The following CNBD1 variants were observed in gnomAD, a reference collection of about 807,000 sequenced individuals.
CNBD1 encodes the protein cyclic nucleotide binding domain containing 1.
In CNBD1, 71 loss-of-function variants were observed where a neutral mutation model predicts 54.4. That is an observed-to-expected ratio of 1.30 (90% CI 1.08 to 1.59). The LOEUF (loss-of-function observed/expected upper bound fraction) is 1.59, where lower values mean the gene tolerates loss of function less well. Ranked by LOEUF, CNBD1 falls within the 40% of genes most tolerant of loss-of-function variation. CNBD1 has a pLI of 0.00. For missense variants in CNBD1, 659 were observed against 518.0 expected (o/e 1.27, Z -2.64); for synonymous variants, 182 against 170.7 (o/e 1.07, Z -0.51).
intron 6 of CNBD1, among the ~76,000 whole-genome samples, chr8:87,279,623 G>T (rs1191725291): frequency 6.6e-6 from 1 of 151,106 alleles, no homozygotes; most frequent in African/African-American, 2.4e-5. Context: ...TAAAAATAAA[G>T]ATATTTCATA....
At chr8:87,081,377 GTT>G (rs1358731307) in intron 4 of CNBD1, among the ~76,000 whole-genome samples, 1 of 151,814 alleles carries the variant, frequency 6.6e-6, no homozygotes, top group Non-Finnish European at 1.5e-5. Context: ...CACATGATGT[GTT>G]TTTTCAGAAT....
intron 4 of CNBD1, among the ~76,000 whole-genome samples, chr8:86,970,353 A>G (rs1809173342): frequency 2.6e-5 from 4 of 151,950 alleles, no homozygotes. Context: ...ATTTTGTCTC[A>G]TCATGCTTCA....
chr8:87,292,160 T>A (rs1242276988), intron 8 of CNBD1, among the ~76,000 whole-genome samples: 1 of 152,208 alleles, frequency 6.6e-6, no homozygotes, highest in Admixed American at 6.5e-5. Flanking sequence ...AAACACAAGC[T>A]ATTGCTTTGC....
At chr8:87,292,290 A>G (rs943742071) in intron 8 of CNBD1, among the ~76,000 whole-genome samples, 8 of 152,214 alleles carry the variant, frequency 5.3e-5, no homozygotes, top group African/African-American at 1.7e-4. Flanking sequence ...ATTTGGATTT[A>G]AGGTGAGGTT....
chr8:87,333,812 A>G (rs964488464), intron 8 of CNBD1, among the ~76,000 whole-genome samples: 2 of 152,088 alleles, frequency 1.3e-5, no homozygotes, highest in Non-Finnish European at 2.9e-5. Context: ...TATCAGGGAT[A>G]TTGGCCTGAA....
chr8:86,913,344 C>CT (rs1809132703), intron 3 of CNBD1, among the ~76,000 whole-genome samples: 1 of 152,014 alleles, frequency 6.6e-6, no homozygotes, highest in South Asian at 2.1e-4. Context: ...TTAGCTCTAC[C>CT]TTTTTTGTGT....
chr8:87,230,134 G>T (rs1216436316), intron 5 of CNBD1, among the ~76,000 whole-genome samples: 1 of 152,044 alleles, frequency 6.6e-6, no homozygotes, highest in Non-Finnish European at 1.5e-5. Flanking sequence ...GAAGAGGGAG[G>T]TGCCACATAG....
intron 8 of CNBD1, among the ~76,000 whole-genome samples, chr8:87,304,987 A>G (rs1809111095): frequency 6.6e-6 from 1 of 152,106 alleles, no homozygotes; most frequent in African/African-American, 2.4e-5. Flanking sequence ...TGCTAACAAG[A>G]TGATTGTTTA....
intron 4 of CNBD1, among the ~76,000 whole-genome samples, chr8:87,174,974 C>T (rs904128357): frequency 3.3e-5 from 5 of 152,188 alleles, no homozygotes; most frequent in Admixed American, 2.6e-4. Context: ...TAGAGTGACA[C>T]AAGCAACCCT....
At chr8:87,404,434 G>T (rs10087439) in intron 2 of CNBD1, among the ~76,000 whole-genome samples, 1,632 of 151,592 alleles carry the variant, frequency 0.011, 39 homozygotes, top group African/African-American at 0.037. Context: ...GACAAAATTG[G>T]GTACTGAGTT....
chr8:87,352,625 C>G (rs962516520), intron 9 of CNBD1, among the ~76,000 whole-genome samples: 1 of 151,926 alleles, frequency 6.6e-6, no homozygotes, highest in Non-Finnish European at 1.5e-5. Context: ...ATTATGGATA[C>G]TTGTAAGAAT....
chr8:86,866,952 A>T (rs1008882678), intron 1 of CNBD1, among the ~76,000 whole-genome samples: 2 of 152,184 alleles, frequency 1.3e-5, no homozygotes, highest in African/African-American at 4.8e-5. Flanking sequence ...AGTTGGTCCT[A>T]CTACGCTTAA....
chr8:86,962,093 T>G (rs1807943299), intron 4 of CNBD1, among the ~76,000 whole-genome samples: 1 of 149,512 alleles, frequency 6.7e-6, no homozygotes, highest in African/African-American at 2.5e-5. Flanking sequence ...TGGCACTCCA[T>G]GAGGAAAACA....
At chr8:87,285,884 T>G (rs566372926) in intron 7 of CNBD1, among the ~76,000 whole-genome samples, 1 of 152,176 alleles carries the variant, frequency 6.6e-6, no homozygotes, top group African/African-American at 2.4e-5. Context: ...AATAAATAAA[T>G]AAATAAAAAA....
chr8:86,967,872 G>C (rs1477551805), intron 4 of CNBD1, among the ~76,000 whole-genome samples: 1 of 148,230 alleles, frequency 6.7e-6, no homozygotes, highest in Admixed American at 6.8e-5. Context: ...GTAATTTTTT[G>C]TTGAAAGGTA....
chr8:87,023,818 A>G (rs1809539539), intron 4 of CNBD1, among the ~76,000 whole-genome samples: 2 of 152,228 alleles, frequency 1.3e-5, no homozygotes, highest in African/African-American at 2.4e-5. Context: ...GACTTCTTAG[A>G]AAGTGTTATT....
In CNBD1 at chr8:87,318,313, G is replaced by A. The variant is rs1457099938; in HGVS notation, c.1042+31642G>A. On this transcript the variant is annotated intron_variant, in intron 8 of 10. Transcript: ENST00000518476. ...CTTTGTTGGGTGCTGGATTAAATAT[G>A]TATAAGTTTTCTTGAGCTTTGTTCT... Among the ~76,000 whole-genome samples the A allele has an allele frequency of 2.6e-5, 4 of 152,000 alleles. No individual in the cohort carries two copies. The East Asian group carries it at 5.8e-4, about 22-fold the overall frequency.
intron 8 of CNBD1, among the ~76,000 whole-genome samples, chr8:87,296,728 A>T (rs1231117932): frequency 6.6e-6 from 1 of 152,098 alleles, no homozygotes; most frequent in Non-Finnish European, 1.5e-5. Flanking sequence ...CTATAAAAAG[A>T]GAAATAAGAC....
Position 87,142,123 on chromosome 8 carries a change from A to G in CNBD1, c.432-63870A>G, listed in dbSNP as rs542925812. On this transcript the variant is annotated intron_variant, in intron 4 of 10. Transcript: ENST00000518476. ...TTTGAAATCTATTTGGTGAAAGTAG[A>G]GAAGAGAGAAAAAGGATAACAGATG... 1.4e-4 allele frequency among the ~76,000 whole-genome samples: 22 copies of G among 152,290 alleles called. No individual in the cohort carries two copies. In the South Asian group the frequency reaches 4.1e-3, roughly 29 times the overall value.
Sources: gnomAD v4.1 joint callset for allele counts (sites outside exome capture counted in the v4.1 genomes callset) on GRCh38, gnomAD v4.1.1 for gene constraint, MANE v1.5 for transcripts, NCBI Gene and HGNC (gene_info 2026-07-23, HGNC 2026-07-21) for gene names.